The following CYFIP1 variants were observed in gnomAD, a reference collection of about 807,000 sequenced individuals.
CYFIP1 encodes the protein cytoplasmic FMR1-interacting protein 1.
Under a neutral mutation model 163.5 loss-of-function variants are expected in CYFIP1, and 58 were observed. The observed-to-expected ratio is 0.35, with a 90% CI of 0.29 to 0.44. The LOEUF (loss-of-function observed/expected upper bound fraction) is 0.44. Among genes scored for constraint, CYFIP1 ranks in the 20% least tolerant of loss-of-function variants. CYFIP1 has a pLI of 1.00. For synonymous variants in CYFIP1, 663 were observed against 660.7 expected, an observed-to-expected ratio of 1.00 and a Z score of -0.05; for missense variants, 1,338 against 1,653.8, an observed-to-expected ratio of 0.81 and a Z score of 3.31.
intron 25 of CYFIP1, 146 bp from the exon 26 acceptor site, chr15:22,880,189 C>G: frequency 2.6e-6 from 3 of 1,135,890 alleles, no homozygotes; most frequent in Admixed American, 3.7e-5. Context: ...TCCCCAGCAT[C>G]TTCCCTGCAG....
At chr15:22,953,088 T>G (rs879579114) in intron 1 of CYFIP1, among the ~76,000 whole-genome samples, 1 of 152,250 alleles carries the variant, frequency 6.6e-6, no homozygotes, top group Non-Finnish European at 1.5e-5. Context: ...TCTCCGTCCG[T>G]GCATCTTCCA....
rs180779353 is a variant in CYFIP1 at position 22,885,280 on chromosome 15, A to G, written c.2677-2269T>C. On this transcript the variant is annotated intron_variant, in intron 23 of 30. Coordinates refer to ENST00000617928, the MANE Select transcript of CYFIP1 (RefSeq NM_014608.6). ...AGATCTCTCTCAAGTTCAATGTACC[A>G]CGTATCTCTAGGGCGGGGCAAAATG... is the stretch of plus-strand genomic sequence containing the variant. 4.3e-3 allele frequency among the ~76,000 whole-genome samples: 648 copies of G among 152,256 alleles called. 2 individuals are homozygous for G. The highest frequency in any genetic ancestry group is 7.8e-3 in the Non-Finnish European group (528 of 68,020).
In CYFIP1 at chr15:22,912,225, A is replaced by G. The variant is rs1479678923; in HGVS notation, c.2036T>C (p.Leu679Pro). 1.2e-6 allele frequency: 2 copies of G among 1,613,946 alleles called. No individual in the cohort carries two copies. The highest frequency in any genetic ancestry group is 1.7e-6 in the Non-Finnish European group (2 of 1,179,972). Residue 679 changes from leucine to proline, a missense_variant, in exon 18 of 31, where the codon CTC becomes CCC. Physicochemically the swap from Leu to Pro is moderately conservative, Grantham distance 98 (BLOSUM62 -3). This residue lies in a region of CYFIP1 where 824 missense variants were observed against 995.7 expected (regional missense o/e 0.83). Transcript: ENST00000617928. ...DLYNDSAHYALTRFNKQFLYD... is the reference protein window; with the variant it reads ...DLYNDSAHYAPTRFNKQFLYD... ...CAGGAACTGCTTGTTGAACCTGGTG[A>G]GCGCGTAGTGGGCGCTGTCATTGTA...
intron 22 of CYFIP1, among the ~76,000 whole-genome samples, chr15:22,896,017 G>A (rs929193748): frequency 3.5e-4 from 54 of 152,116 alleles, no homozygotes; most frequent in African/African-American, 1.1e-3. Flanking sequence ...TGAGTACTGC[G>A]AATGTGTCAC....
At chr15:22,901,020 T>G (rs552625584) in intron 22 of CYFIP1, among the ~76,000 whole-genome samples, 1 of 151,402 alleles carries the variant, frequency 6.6e-6, no homozygotes, top group Non-Finnish European at 1.5e-5. Flanking sequence ...CTGGCCAACA[T>G]AGTGAAACCC....
chr15:22,891,995 G>C (rs1203636928), intron 23 of CYFIP1, among the ~76,000 whole-genome samples: 1 of 152,202 alleles, frequency 6.6e-6, no homozygotes. Context: ...TCCTACAAGC[G>C]AGGACACTTA....
At chr15:22,946,302 C>CAA (rs113634313) in intron 3 of CYFIP1, among the ~76,000 whole-genome samples, 1 of 131,502 alleles carries the variant, frequency 7.6e-6, no homozygotes, top group African/African-American at 2.8e-5. Flanking sequence ...GAGACCATCT[C>CAA]AAAAAAAAAA....
At chr15:22,898,240 C>T (rs1023611097) in intron 22 of CYFIP1, among the ~76,000 whole-genome samples, 1 of 152,042 alleles carries the variant, frequency 6.6e-6, no homozygotes, top group African/African-American at 2.4e-5. Context: ...TCTATCATTC[C>T]AAATAATTTA....
chr15:22,920,690 G>A (rs1448626011), intron 13 of CYFIP1, among the ~76,000 whole-genome samples: 1 of 152,156 alleles, frequency 6.6e-6, no homozygotes, highest in Non-Finnish European at 1.5e-5. Context: ...GAAAATTTTA[G>A]AAAGGAAAAA....
intron 22 of CYFIP1, among the ~76,000 whole-genome samples, chr15:22,898,894 C>T (rs1207354084): frequency 2.0e-5 from 3 of 151,760 alleles, no homozygotes; most frequent in South Asian, 2.1e-4. Context: ...TCCAGCTAAT[C>T]GGGAGGCTAA....
Position 22,892,949 on chromosome 15 carries a change from G to A in CYFIP1, c.2617C>T (p.Gln873Ter). ...GGCTGCTTATCTCTTTGAAATTCCTGAGAAAATGGTAACACTGTCCGAACA... is the reference window on the plus strand; with the variant it reads ...GGCTGCTTATCTCTTTGAAATTCCTAAGAAAATGGTAACACTGTCCGAACA... ...RFVRTVLPFS[Q>*]EFQRDKQPNA... The change falls in exon 23 of 31, where the codon CAG (glutamine) becomes TAG (stop). Residue 873 changes from glutamine (Q) to a stop codon, truncating the protein, a stop_gained. Coordinates refer to ENST00000617928, the MANE Select transcript of CYFIP1 (RefSeq NM_014608.6). LOFTEE classifies it high-confidence loss of function. 6.2e-7 allele frequency: 1 copy of A among 1,613,530 alleles called. No homozygotes were observed. Among genetic ancestry groups the A allele is most frequent in the Non-Finnish European group, 8.5e-7 (1 of 1,179,618 alleles).
intron 11 of CYFIP1, among the ~76,000 whole-genome samples, chr15:22,931,686 G>GAAAAAAAAAACAAAAAAAAAA (rs2061539960): frequency 2.5e-5 from 1 of 39,720 alleles, no homozygotes; most frequent in Non-Finnish European, 4.5e-5. Flanking sequence ...ATGTTTTTCT[G>GAAAAAAAAAACAAAAAAAAAA]AAAAAAAAAA....
intron 5 of CYFIP1, among the ~76,000 whole-genome samples, chr15:22,943,873 G>A (rs182083832): frequency 1.3e-4 from 20 of 152,260 alleles, no homozygotes; most frequent in African/African-American, 4.1e-4. Flanking sequence ...AGGCCAGGGC[G>A]AGGACCACCA....
intron 6 of CYFIP1, among the ~76,000 whole-genome samples, chr15:22,941,898 C>T (rs1160741194): frequency 2.6e-5 from 4 of 152,134 alleles, no homozygotes; most frequent in East Asian, 1.9e-4. Context: ...AAAGCCAAAA[C>T]GGCGGCTGAG....
chr15:22,934,649 C>T, intron 9 of CYFIP1, among the ~76,000 whole-genome samples: 1 of 150,990 alleles, frequency 6.6e-6, no homozygotes, highest in Non-Finnish European at 1.5e-5. Flanking sequence ...AGGCAACTGC[C>T]ACCATGCCCA....
chr15:22,917,268 C>T lies in CYFIP1; in HGVS notation c.1674+520G>A. ...CCTCCGGCAGAGATGAGGGAGAAGA[C>T]CAGCCCCAGGACGGAGGACAGACGC... On this transcript the variant is annotated intron_variant, in intron 15 of 30. Coordinates refer to ENST00000617928, the MANE Select transcript of CYFIP1 (RefSeq NM_014608.6). This position sits in a 1 kb window ranked among gnomAD's most constrained non-coding sequence, Gnocchi z 4.2. 1 of 1,389,512 alleles carries T rather than the reference C, an allele frequency of 7.2e-7. No individual in the cohort carries two copies. Among genetic ancestry groups the T allele is most frequent in the South Asian group, 1.8e-5 (1 of 55,660 alleles). 86.1% of individuals were successfully genotyped at this position (1,389,512 alleles called of 1,614,324 possible).
intron 1 of CYFIP1, among the ~76,000 whole-genome samples, chr15:22,949,785 A>T (rs961451010): frequency 1.3e-5 from 2 of 152,082 alleles, no homozygotes; most frequent in Admixed American, 1.3e-4. Flanking sequence ...GACTTTTCAG[A>T]TCCTCAGCAG....
At chr15:22,915,102 C>A (rs1217137858) in intron 16 of CYFIP1, 2 of 431,930 alleles carry the variant, frequency 4.6e-6, no homozygotes, top group Admixed American at 8.1e-5. Flanking sequence ...CCCTGTGAGC[C>A]CTTCAGTGGG....
At chr15:22,971,248 G>T (rs2063084615) in intron 1 of CYFIP1, among the ~76,000 whole-genome samples, 1 of 152,168 alleles carries the variant, frequency 6.6e-6, no homozygotes, top group Non-Finnish European at 1.5e-5. Flanking sequence ...GGCAACAACA[G>T]AATTAATAGA....
Sources: gnomAD v4.1 joint callset for allele counts (sites outside exome capture counted in the v4.1 genomes callset) on GRCh38, gnomAD v4.1.1 for gene constraint, gnomAD v4.1.1 regional missense constraint, Gnocchi (gnomAD v3.1) non-coding constraint, MANE v1.5 for transcripts, NCBI Gene and HGNC (gene_info 2026-07-23, HGNC 2026-07-21) for gene names.